CADM2: variants seen among roughly 807,000 people sequenced by gnomAD.
CADM2 encodes immunoglobulin superfamily member 4D.
Under a neutral mutation model 49.8 loss-of-function variants are expected in CADM2, and 12 were observed. That is an observed-to-expected ratio of 0.24 (90% confidence interval 0.15 to 0.39). CADM2 has a LOEUF of 0.39. Ranked by LOEUF, CADM2 falls within the 10% of genes least tolerant of loss-of-function variation. The pLI is 1.00. For synonymous variants in CADM2, 214 were observed against 175.4 expected (o/e 1.22, Z -1.74); for missense variants, 378 against 492.3 (o/e 0.77, Z 2.20).
At chr3:85,058,454 A>G (rs565309428) in intron 1 of CADM2, among the ~76,000 whole-genome samples, 2 of 149,622 alleles carry the variant, frequency 1.3e-5, no homozygotes, top group Admixed American at 1.3e-4. Context: ...TTCTTTTTTT[A>G]TTTTTTTGAG....
chr3:85,084,692 A>G (rs1194777445), intron 1 of CADM2, among the ~76,000 whole-genome samples: 2 of 152,190 alleles, frequency 1.3e-5, no homozygotes, highest in African/African-American at 4.8e-5. Context: ...TTTAATGTTT[A>G]GAATATGGCT....
intron 1 of CADM2, among the ~76,000 whole-genome samples, chr3:85,233,646 T>C (rs1050418704): frequency 3.9e-5 from 6 of 152,254 alleles, no homozygotes; most frequent in African/African-American, 1.4e-4. Context: ...TTAGACAGCG[T>C]AGATGAGATT....
At chr3:85,017,838 T>G (rs970097368) in intron 1 of CADM2, among the ~76,000 whole-genome samples, 19 of 152,224 alleles carry the variant, frequency 1.2e-4, no homozygotes, top group African/African-American at 4.6e-4. Flanking sequence ...CTTAATGATT[T>G]TATTTTGTTA....
chr3:85,288,291 T>C (rs934233953), intron 1 of CADM2, among the ~76,000 whole-genome samples: 1 of 152,044 alleles, frequency 6.6e-6, no homozygotes, highest in Non-Finnish European at 1.5e-5. Context: ...GAATTATGAG[T>C]AGAAGTATAA....
rs149223837 is a variant in CADM2, at chr3:85,121,346, A to T, written c.61+161678A>T. 5.8e-4 allele frequency among the ~76,000 whole-genome samples: 88 copies of T among 152,334 alleles called. No homozygotes were observed. The East Asian group carries it at 0.014, about 25-fold the overall frequency. ...AGAGTATTTACTTGCTGTCTGTGGG[A>T]AAAACAGGAAAGGAAAAACCTAAGA... is the stretch of plus-strand genomic sequence containing the variant. On this transcript the variant is annotated intron_variant, in intron 1 of 9. Transcript: ENST00000383699.
chr3:85,256,071 T>C (rs921244974), intron 1 of CADM2, among the ~76,000 whole-genome samples: 1 of 152,012 alleles, frequency 6.6e-6, no homozygotes, highest in Non-Finnish European at 1.5e-5. Context: ...TTCAGCCTGG[T>C]TCCTTTTTCA....
intron 1 of CADM2, among the ~76,000 whole-genome samples, chr3:85,412,067 A>G (rs2107471482): frequency 6.6e-6 from 1 of 152,276 alleles, no homozygotes; most frequent in African/African-American, 2.4e-5. Flanking sequence ...ACCTCAAGTG[A>G]TCTGCCCACA....
chr3:85,009,638 G>A (rs2033892376), intron 1 of CADM2, among the ~76,000 whole-genome samples: 1 of 152,106 alleles, frequency 6.6e-6, no homozygotes, highest in Non-Finnish European at 1.5e-5. Context: ...AGCCAAGGCG[G>A]ACGGATTGCC....
At chr3:85,814,314 G>A (rs1284133463) in intron 3 of CADM2, among the ~76,000 whole-genome samples, 2 of 151,898 alleles carry the variant, frequency 1.3e-5, no homozygotes, top group Non-Finnish European at 1.5e-5. Context: ...ATTGTGAATG[G>A]GAGTTCACTC....
chr3:85,129,435 TTTAA>T (rs2039152434), intron 1 of CADM2, among the ~76,000 whole-genome samples: 1 of 152,226 alleles, frequency 6.6e-6, no homozygotes, highest in Non-Finnish European at 1.5e-5. Context: ...CCACTATCAC[TTTAA>T]TTTTCTCTTT....
intron 1 of CADM2, among the ~76,000 whole-genome samples, chr3:85,248,273 A>T (rs905205000): frequency 3.3e-5 from 5 of 151,174 alleles, no homozygotes; most frequent in African/African-American, 1.2e-4. Context: ...CTATTTATTT[A>T]TTTTTTTTTA....
intron 2 of CADM2, among the ~76,000 whole-genome samples, chr3:85,793,262 C>G (rs984066239): frequency 5.9e-5 from 9 of 152,222 alleles, no homozygotes; most frequent in African/African-American, 2.2e-4. Context: ...AACATTATTT[C>G]TGCATAACTC....
chr3:85,422,847 G>C (rs1483195173), intron 1 of CADM2, among the ~76,000 whole-genome samples: 1 of 151,916 alleles, frequency 6.6e-6, no homozygotes, highest in South Asian at 2.1e-4. Flanking sequence ...TCAACCCCAC[G>C]GCAGTGTCTC....
intron 1 of CADM2, among the ~76,000 whole-genome samples, chr3:85,694,678 A>G (rs2066495426): frequency 6.6e-6 from 1 of 152,208 alleles, no homozygotes; most frequent in African/African-American, 2.4e-5. Context: ...ATTGAACACC[A>G]TCTATACTCC....
chr3:85,359,666 A>ATATATATATATATATATATT, intron 1 of CADM2, among the ~76,000 whole-genome samples: 20 of 26,544 alleles, frequency 7.5e-4, no homozygotes, highest in African/African-American at 1.6e-3. Flanking sequence ...ATATATATAT[A>ATATATATATATATATATATT]TTTTTTTTTT....
At chr3:85,439,137 A>G (rs1213723478) in intron 1 of CADM2, among the ~76,000 whole-genome samples, 3 of 151,052 alleles carry the variant, frequency 2.0e-5, no homozygotes, top group African/African-American at 7.3e-5. Context: ...CAAGTGACTT[A>G]ATAATGACTT....
intron 3 of CADM2, among the ~76,000 whole-genome samples, chr3:85,818,018 A>C (rs566474395): frequency 6.6e-6 from 1 of 152,164 alleles, no homozygotes; most frequent in Non-Finnish European, 1.5e-5. Context: ...AGCAGTTTCT[A>C]TCTAGGAAGT....
At chr3:84,969,959 G>A (rs1320692474) in intron 1 of CADM2, among the ~76,000 whole-genome samples, 1 of 150,736 alleles carries the variant, frequency 6.6e-6, no homozygotes, top group African/African-American at 2.4e-5. Flanking sequence ...TCTACTTTGA[G>A]TAGCTGGCAT....
chr3:85,408,719 T>C (rs1409297630), intron 1 of CADM2, among the ~76,000 whole-genome samples: 1 of 152,216 alleles, frequency 6.6e-6, no homozygotes, highest in Non-Finnish European at 1.5e-5. Flanking sequence ...CTTAAGGACA[T>C]GTGCTTTTTC....
Sources: gnomAD v4.1 joint callset for allele counts (sites outside exome capture counted in the v4.1 genomes callset) on GRCh38, gnomAD v4.1.1 for gene constraint, MANE v1.5 for transcripts, NCBI Gene and HGNC (gene_info 2026-07-23, HGNC 2026-07-21) for gene names.